Variants in NRP1 observed in about 807,000 individuals in gnomAD.
The protein encoded by NRP1 is neuropilin-1.
A neutral mutation model predicts 106.7 loss-of-function variants in NRP1; 35 were observed. The observed-to-expected ratio is 0.33, with a 90% CI of 0.25 to 0.43. The LOEUF (loss-of-function observed/expected upper bound fraction) is 0.43. Ranked by LOEUF, NRP1 falls within the 20% of genes least tolerant of loss-of-function variation. The pLI is 1.00. For synonymous variants in NRP1, 437 were observed against 417.9 expected (o/e 1.05, Z -0.56); for missense variants, 1,024 against 1,170.4 (o/e 0.87, Z 1.83).
intron 8 of NRP1, among the ~76,000 whole-genome samples, chr10:33,215,543 T>G (rs1838692430): frequency 6.6e-6 from 1 of 152,226 alleles, no homozygotes; most frequent in African/African-American, 2.4e-5. Context: ...TCAAGTATTT[T>G]CCTTTAGAAA....
chr10:33,185,520 G>T, intron 15 of NRP1, 108 bp downstream of exon 15: 1 of 787,414 alleles, frequency 1.3e-6, no homozygotes, highest in Non-Finnish European at 2.1e-6. Context: ...GTGCCGAGAG[G>T]CCACACCGAA....
chr10:33,277,381 T>A (rs1001509986), intron 2 of NRP1, among the ~76,000 whole-genome samples: 1 of 152,170 alleles, frequency 6.6e-6, no homozygotes, highest in South Asian at 2.1e-4. Flanking sequence ...TGAAACAAGG[T>A]TGGCTCCTGG....
chr10:33,256,509 T>C, intron 4 of NRP1, 38 bp from the exon 5 acceptor site: 1 of 1,603,338 alleles, frequency 6.2e-7, no homozygotes, highest in Non-Finnish European at 8.5e-7. Context: ...CAAAATGTCT[T>C]TTCTCCTGCA....
intron 10 of NRP1, chr10:33,206,048 G>T (rs1020349370): frequency 5.5e-6 from 2 of 363,280 alleles, no homozygotes; most frequent in Admixed American, 6.7e-5. Context: ...GATGGAGTCA[G>T]TTAGGTCAGA....
intron 2 of NRP1, among the ~76,000 whole-genome samples, chr10:33,306,914 T>C (rs1156734941): frequency 1.3e-5 from 2 of 152,086 alleles, no homozygotes; most frequent in East Asian, 1.9e-4. Flanking sequence ...TTTGTGGGAG[T>C]TGGACTGAAT....
At position 33,248,467 on chromosome 10, in the gene NRP1, C is replaced by T. The variant is rs993301282; in HGVS notation, c.981+5561G>A. 5.3e-5 allele frequency among the ~76,000 whole-genome samples: 8 copies of T among 152,178 alleles called. No individual in the cohort carries two copies. The South Asian group carries it at 1.2e-3, about 24-fold the overall frequency. On this transcript the variant is annotated intron_variant, in intron 6 of 16. Transcript: ENST00000374867. ...ATTTACTTTCTTTTGACACTATTGT[C>T]TCAAAGGACTAAACATGACTGTGTG...
intron 3 of NRP1, among the ~76,000 whole-genome samples, chr10:33,269,324 G>T (rs1377773487): frequency 2.6e-5 from 4 of 152,112 alleles, no homozygotes; most frequent in Non-Finnish European, 5.9e-5. Context: ...ACAGGGTCTT[G>T]CTCTGTCACC....
intron 2 of NRP1, among the ~76,000 whole-genome samples, chr10:33,294,152 T>G (rs1272828623): frequency 6.6e-6 from 1 of 152,216 alleles, no homozygotes; most frequent in Non-Finnish European, 1.5e-5. Flanking sequence ...TGCAGTTTTA[T>G]GTCATGGTGG....
intron 11 of NRP1, among the ~76,000 whole-genome samples, chr10:33,199,987 A>C (rs538081617): frequency 6.6e-6 from 1 of 152,318 alleles, no homozygotes; most frequent in South Asian, 2.1e-4. Context: ...ATGGTACCTC[A>C]GTTCTCCCAG....
chr10:33,207,160 G>A (rs766546947), intron 10 of NRP1, among the ~76,000 whole-genome samples: 15 of 152,182 alleles, frequency 9.9e-5, no homozygotes, highest in Non-Finnish European at 1.5e-4. Context: ...TGCTTTCTGG[G>A]TAAGGGGTTT....
At chr10:33,326,320 A>G (rs1847886415) in intron 2 of NRP1, among the ~76,000 whole-genome samples, 2 of 152,214 alleles carry the variant, frequency 1.3e-5, no homozygotes, top group South Asian at 4.1e-4. Flanking sequence ...CGATGTACAT[A>G]CTGAAAACCA....
intron 2 of NRP1, among the ~76,000 whole-genome samples, chr10:33,327,985 C>T (rs1356361522): frequency 6.6e-6 from 1 of 152,084 alleles, no homozygotes; most frequent in Non-Finnish European, 1.5e-5. Context: ...AGCCTTTCAG[C>T]TTTGGCCAGG....
chr10:33,299,767 C>T (rs539898868), intron 2 of NRP1, among the ~76,000 whole-genome samples: 1 of 152,248 alleles, frequency 6.6e-6, no homozygotes, highest in Admixed American at 6.5e-5. Context: ...GACTGCATGA[C>T]AGAGAGAGAC....
In NRP1 at chr10:33,263,664, A is replaced by G; in HGVS notation, c.640T>C (p.Trp214Arg). 1 of 1,613,698 alleles carries G rather than the reference A, an allele frequency of 6.2e-7. No homozygotes were observed. Among genetic ancestry groups the G allele is most frequent in the Non-Finnish European group, 8.5e-7 (1 of 1,179,608 alleles). Reference sequence around the variant, plus strand: ...TTCTTACCATCAGGGAATCCATCCCAGATTTCTAGCCGGTCGTAGCGACAG... The same window carrying G: ...TTCTTACCATCAGGGAATCCATCCCGGATTTCTAGCCGGTCGTAGCGACAG... ...MFCRYDRLEI[W>R]DGFPDVGPHI... The change falls in exon 4 of 17, where the codon TGG becomes CGG. Residue 214 changes from tryptophan to arginine, a missense_variant. By Grantham distance (101) the Trp-to-Arg change is moderately radical (BLOSUM62 -3). Around this residue, in one of 5 missense-constraint regions of NRP1, gnomAD observed 279 missense variants for 327.4 expected, o/e 0.85. Transcript: ENST00000374867.
At chr10:33,300,956 T>C (rs1220223579) in intron 2 of NRP1, among the ~76,000 whole-genome samples, 5 of 152,178 alleles carry the variant, frequency 3.3e-5, no homozygotes, top group African/African-American at 4.8e-5. Flanking sequence ...ATCCTCAACA[T>C]TGGCGAAATA....
intron 6 of NRP1, among the ~76,000 whole-genome samples, chr10:33,232,036 TA>T (rs1403793293): frequency 5.9e-5 from 9 of 152,214 alleles, no homozygotes; most frequent in African/African-American, 2.2e-4. Flanking sequence ...TCAGTAGTCA[TA>T]AAACCCACTC....
chr10:33,330,657 G>A lies in NRP1; in HGVS notation c.248+51C>T, dbSNP rs367702517. 4.7e-5 allele frequency: 70 copies of A among 1,503,570 alleles called. 1 individual carries two copies. In the South Asian group the frequency reaches 4.7e-4, roughly 10 times the overall value. The allele number at this position is 1,503,570 out of a possible 1,614,324, so 93.1% of individuals were successfully genotyped here. A position where few individuals can be genotyped will look rare whatever the true frequency, so the allele number is the denominator to read the frequency against. On this transcript the variant is annotated intron_variant, in intron 2 of 16. Coordinates refer to ENST00000374867, the MANE Select transcript of NRP1 (RefSeq NM_003873.7). ...ACCGACTTCCCCCCCGTAGACAGGCGTGACCACTAGATGGTGCTGTGGTGC... is the reference window on the plus strand; with the variant it reads ...ACCGACTTCCCCCCCGTAGACAGGCATGACCACTAGATGGTGCTGTGGTGC...
chr10:33,315,203 A>G (rs1846934494), intron 2 of NRP1, among the ~76,000 whole-genome samples: 1 of 152,246 alleles, frequency 6.6e-6, no homozygotes, highest in Non-Finnish European at 1.5e-5. Flanking sequence ...ATCTCTGCAG[A>G]TTTTTTGAGA....
intron 6 of NRP1, among the ~76,000 whole-genome samples, chr10:33,234,745 T>G (rs1276406756): frequency 1.3e-5 from 2 of 152,204 alleles, no homozygotes; most frequent in South Asian, 2.1e-4. Flanking sequence ...ATTAATGCCT[T>G]TTTCCATAGT....
Sources: gnomAD v4.1 joint callset for allele counts (sites outside exome capture counted in the v4.1 genomes callset) on GRCh38, gnomAD v4.1.1 for gene constraint, gnomAD v4.1.1 regional missense constraint, MANE v1.5 for transcripts, NCBI Gene and HGNC (gene_info 2026-07-23, HGNC 2026-07-21) for gene names.